The following ZNF737 variants were observed in gnomAD, a reference collection of about 807,000 sequenced individuals.
ZNF737 encodes zinc finger protein 102 (Y3).
ZNF737 carries 13 observed loss-of-function variants against 11.7 expected under a neutral mutation model. The ratio of observed to expected loss-of-function variants is 1.11; its 90% CI spans 0.73 to 1.77. The LOEUF is 1.77. Ranked by LOEUF, ZNF737 falls within the 40% of genes most tolerant of loss-of-function variation. ZNF737 has a pLI of 0.00. For synonymous variants in ZNF737, 217 were observed against 216.2 expected, an observed-to-expected ratio of 1.00 and a Z score of -0.03; for missense variants, 636 against 638.0, an observed-to-expected ratio of 1.00 and a Z score of 0.03.
At chr19:20,563,130 C>T (rs1257629622) in intron 1 of ZNF737, among the ~76,000 whole-genome samples, 2 of 33,926 alleles carry the variant, frequency 5.9e-5, no homozygotes, top group Non-Finnish European at 1.3e-4. Flanking sequence ...GAAAGTGCCA[C>T]AAAACATAAC....
downstream of ZNF737, among the ~76,000 whole-genome samples, chr19:20,533,309 T>C (rs193144930): frequency 3.6e-4 from 54 of 149,142 alleles, 5 homozygotes; most frequent in East Asian, 6.6e-3. Flanking sequence ...GTATGAAAGG[T>C]TTTTGTATTA....
chr19:20,544,134 A>G lies in ZNF737; in HGVS notation c.*458T>C. ...CAAGCATGAAACTTCATCTCAAAAA[A>G]AAAAATATTGAAAACTTGTTATAGG... On this transcript the variant is annotated 3_prime_UTR_variant, in exon 4 of 4. Coordinates refer to ENST00000427401, the MANE Select transcript of ZNF737 (RefSeq NM_001159293.2). The G allele has an allele frequency of 2.0e-6, 2 of 1,003,084 alleles. No individual in the cohort carries two copies. Among genetic ancestry groups the G allele is most frequent in the Non-Finnish European group, 2.4e-6 (2 of 840,460 alleles). 62.1% of individuals were successfully genotyped at this position (1,003,084 alleles called of 1,614,324 possible).
At position 20,544,448 on chromosome 19, in the gene ZNF737, A is replaced by G; in HGVS notation, c.*144T>C. The G allele has an allele frequency of 6.8e-7, 1 of 1,480,732 alleles. No individual in the cohort carries two copies. Among genetic ancestry groups the G allele is most frequent in the South Asian group, 1.5e-5 (1 of 68,544 alleles). The allele number at this position is 1,480,732 out of a possible 1,614,324, so 91.7% of individuals were successfully genotyped here. A position where few individuals can be genotyped will look rare whatever the true frequency, so the allele number is the denominator to read the frequency against. ...TTTGTTGGGTTTCTTTCCCGCATGA[A>G]TTATCTAATGTCTACTAAGGTTTGA... is the stretch of plus-strand genomic sequence containing the variant. On this transcript the variant is annotated 3_prime_UTR_variant, in exon 4 of 4. Coordinates refer to ENST00000427401, the MANE Select transcript of ZNF737 (RefSeq NM_001159293.2).
At chr19:20,562,187 C>T (rs11879907) in intron 1 of ZNF737, among the ~76,000 whole-genome samples, 2,636 of 152,104 alleles carry the variant, frequency 0.017, 79 homozygotes, top group African/African-American at 0.06. Context: ...TTGTCTTCAG[C>T]GCTCAAAATA....
intron 1 of ZNF737, among the ~76,000 whole-genome samples, chr19:20,561,981 A>G (rs8109117): frequency 0.19 from 28,199 of 152,154 alleles, 3,285 homozygotes; most frequent in African/African-American, 0.32. Context: ...AGATGGGGAA[A>G]GATGAAACAC....
downstream of ZNF737, among the ~76,000 whole-genome samples, chr19:20,530,974 C>G (rs1230589865): frequency 6.7e-6 from 1 of 149,338 alleles, no homozygotes; most frequent in Non-Finnish European, 1.5e-5. Flanking sequence ...GTCTGCAATC[C>G]TGGCACCTCA....
chr19:20,558,123 G>T (rs1968956943), intron 1 of ZNF737, among the ~76,000 whole-genome samples: 1 of 151,492 alleles, frequency 6.6e-6, no homozygotes. Flanking sequence ...TTAAAAAAAA[G>T]ATATATATAA....
chr19:20,552,447 T>C, intron 3 of ZNF737, 28 bp downstream of exon 3: 1 of 1,500,554 alleles, frequency 6.7e-7, no homozygotes, highest in Non-Finnish European at 9.0e-7. Flanking sequence ...CTGTGTCGTC[T>C]GCTATATTCA....
chr19:20,538,887 A>C lies in ZNF737; in HGVS notation c.*5705T>G, dbSNP rs1312155681. ...TATACATTTGCTTTTTTGAAAAACA[A>C]ATCTTTTGTTAATTCACTCTAAATT... On this transcript the variant is annotated 3_prime_UTR_variant, in exon 4 of 4. Coordinates refer to ENST00000427401, the MANE Select transcript of ZNF737 (RefSeq NM_001159293.2). The C allele has an allele frequency of 1.0e-6, 1 of 983,096 alleles. No homozygotes were observed. The highest frequency in any genetic ancestry group is 4.7e-5 in the South Asian group (1 of 21,282). 60.9% of individuals were successfully genotyped at this position (983,096 alleles called of 1,614,324 possible). A position where few individuals can be genotyped will look rare whatever the true frequency, so the allele number is the denominator to read the frequency against.
intron 3 of ZNF737, among the ~76,000 whole-genome samples, chr19:20,550,112 G>GT (rs1968611808): frequency 6.6e-6 from 1 of 152,040 alleles, no homozygotes; most frequent in African/African-American, 2.4e-5. Context: ...AAAGAAACTA[G>GT]TTCCTTTTAA....
At chr19:20,556,647 G>A (rs1968899262) in intron 1 of ZNF737, among the ~76,000 whole-genome samples, 1 of 152,158 alleles carries the variant, frequency 6.6e-6, no homozygotes, top group African/African-American at 2.4e-5. Flanking sequence ...CTTATACTTA[G>A]CACTCTTGTC....
At chr19:20,553,619 TAAAAG>T in intron 2 of ZNF737, 85 bp downstream of exon 2, 1 of 1,332,118 alleles carries the variant, frequency 7.5e-7, no homozygotes, top group African/African-American at 1.5e-5. Flanking sequence ...AACTCTTTTA[TAAAAG>T]AATAAATTAC....
Position 20,553,803 on chromosome 19 carries a change from T to C in ZNF737, c.36A>G (p.Glu12=), listed in dbSNP as rs922161298. Residue 12 remains glutamate (E), a synonymous_variant, in exon 2 of 4, where the codon GAA becomes GAG. Coordinates refer to ENST00000427401, the MANE Select transcript of ZNF737 (RefSeq NM_001159293.2). ...GPLQFRDVAI[E]FSLEEWHCLD... Reference sequence around the variant, plus strand: ...GGCAATGCCACTCCTCCAGAGAGAATTCTATGGCCACGTCTCTAAATTGCA... The same window carrying C: ...GGCAATGCCACTCCTCCAGAGAGAACTCTATGGCCACGTCTCTAAATTGCA... 6 of 1,613,826 alleles carry C rather than the reference T, an allele frequency of 3.7e-6. No homozygotes were observed. In the Admixed American group the frequency reaches 6.7e-5, roughly 18 times the overall value.
At chr19:20,565,597 G>C in intron 1 of ZNF737, 41 bp downstream of exon 1, 1 of 1,614,186 alleles carries the variant, frequency 6.2e-7, no homozygotes, top group Non-Finnish European at 8.5e-7. Context: ...GTTCCAACCA[G>C]CCTATCCCCC....
At chr19:20,564,751 T>A (rs1969232155) in intron 1 of ZNF737, among the ~76,000 whole-genome samples, 1 of 151,878 alleles carries the variant, frequency 6.6e-6, no homozygotes, top group African/African-American at 2.4e-5. Flanking sequence ...CAGTCCGCTG[T>A]GGCGTGTGAA....
intron 3 of ZNF737, among the ~76,000 whole-genome samples, chr19:20,548,980 A>AAAAAAAAAAAAC (rs1491170549): frequency 1.2e-4 from 8 of 66,554 alleles, no homozygotes; most frequent in African/African-American, 2.8e-4. Flanking sequence ...AAAAAAAAAA[A>AAAAAAAAAAAAC]CAATTATGTA....
At position 20,544,138 on chromosome 19, in the gene ZNF737, A is replaced by T. The variant is rs1968330689; in HGVS notation, c.*454T>A. On this transcript the variant is annotated 3_prime_UTR_variant, in exon 4 of 4. Coordinates refer to ENST00000427401, the MANE Select transcript of ZNF737 (RefSeq NM_001159293.2). ...CATGAAACTTCATCTCAAAAAAAAA[A>T]ATATTGAAAACTTGTTATAGGATTT... 3.0e-6 allele frequency: 3 copies of T among 1,002,956 alleles called. No individual in the cohort carries two copies. The highest frequency in any genetic ancestry group is 4.2e-5 in the South Asian group (1 of 24,054). 62.1% of individuals were successfully genotyped at this position (1,002,956 alleles called of 1,614,324 possible).
rs1968230835 is a variant in ZNF737, at chr19:20,542,123, C to T, written c.*2469G>A. 2.0e-6 allele frequency: 2 copies of T among 985,068 alleles called. No homozygotes were observed. Among genetic ancestry groups the T allele is most frequent in the African/African-American group, 1.7e-5 (1 of 57,182 alleles). The allele number at this position is 985,068 out of a possible 1,614,324, so 61.0% of individuals were successfully genotyped here. Reference sequence around the variant, plus strand: ...ATTCCTACAATATTGTACCTACACCCTTGAGTAAAGTGGGATACAGTTAGT... The same window carrying T: ...ATTCCTACAATATTGTACCTACACCTTTGAGTAAAGTGGGATACAGTTAGT... On this transcript the variant is annotated 3_prime_UTR_variant, in exon 4 of 4. Transcript: ENST00000427401.
downstream of ZNF737, among the ~76,000 whole-genome samples, chr19:20,536,498 C>T (rs531023851): frequency 3.9e-5 from 6 of 152,226 alleles, no homozygotes; most frequent in South Asian, 6.2e-4. Context: ...TAGGAAAGCA[C>T]GTCGTGCTAT....
Sources: allele counts gnomAD v4.1 joint callset (sites outside exome capture counted in the v4.1 genomes callset), GRCh38; gene constraint gnomAD v4.1.1; transcripts MANE v1.5; gene names NCBI Gene and HGNC (gene_info 2026-07-23, HGNC 2026-07-21).